RADX: variants seen among roughly 807,000 people sequenced by gnomAD.
The protein encoded by RADX is RPA-related protein RADX.
Under a neutral mutation model 61.6 loss-of-function variants are expected in RADX, and 36 were observed. That is an observed-to-expected ratio of 0.58 (90% CI 0.45 to 0.77). The LOEUF (loss-of-function observed/expected upper bound fraction) is 0.77. RADX is among the 30% of genes least tolerant of loss of function. The pLI, the probability that RADX is intolerant of heterozygous loss-of-function variation, is 0.00. For synonymous variants in RADX, 272 were observed against 237.9 expected, an observed-to-expected ratio of 1.14 and a Z score of -1.32; for missense variants, 497 against 651.1, an observed-to-expected ratio of 0.76 and a Z score of 2.58.
Position 106,637,863 on chromosome X carries a change from T to C in RADX, c.1512T>C (p.Gly504=), listed in dbSNP as rs768630353. 1.7e-6 allele frequency: 2 copies of C among 1,207,112 alleles called. No homozygotes were observed. Among genetic ancestry groups the C allele is most frequent in the Non-Finnish European group, 2.2e-6 (2 of 891,320 alleles). Residue 504 remains glycine, a synonymous_variant, in exon 8 of 14, where the codon GGT becomes GGC. Transcript: ENST00000372548. ...DSGEQKNMVI[G]GYYPYPPVPE... ...GGGAACAGAAGAATATGGTTATTGG[T>C]GGATATTACCCCTATCCACCAGTGC...
At chrX:106,631,791 A>G (rs1281440358) in intron 3 of RADX, among the ~76,000 whole-genome samples, 1 of 102,672 alleles carries the variant, frequency 9.7e-6, no homozygotes, top group Non-Finnish European at 1.9e-5. Flanking sequence ...AAGAAAAGAA[A>G]GAGAAAGAAA....
intron 3 of RADX, among the ~76,000 whole-genome samples, chrX:106,630,154 C>G (rs1323400752): frequency 9.1e-6 from 1 of 110,426 alleles, no homozygotes; most frequent in Non-Finnish European, 1.9e-5. Flanking sequence ...AAGACCCTGT[C>G]TCTACAAATA....
chrX:106,636,669 A>T (rs1406514272), intron 7 of RADX, 22 bp downstream of exon 7: 2 of 877,143 alleles, frequency 2.3e-6, no homozygotes, highest in African/African-American at 4.0e-5. Flanking sequence ...CTTTGTGTAT[A>T]TTATTAGAAA....
At chrX:106,614,345 T>G (rs1454464937) in intron 1 of RADX, among the ~76,000 whole-genome samples, 1 of 111,872 alleles carries the variant, frequency 8.9e-6, no homozygotes, top group East Asian at 2.8e-4. Flanking sequence ...TTCATGTACA[T>G]CTGTACATAC....
At chrX:106,628,180 A>T (rs928888877) in intron 3 of RADX, among the ~76,000 whole-genome samples, 13 of 111,938 alleles carry the variant, frequency 1.2e-4, no homozygotes, top group African/African-American at 4.2e-4. Flanking sequence ...AAAGGCAGTT[A>T]TGTAAATCAT....
At chrX:106,672,536 A>G (rs1462853524) in intron 13 of RADX, among the ~76,000 whole-genome samples, 1 of 111,093 alleles carries the variant, frequency 9.0e-6, no homozygotes, top group Non-Finnish European at 1.9e-5. Flanking sequence ...GGAGTGACAC[A>G]AGCTGCCCTG....
chrX:106,631,325 A>G (rs145234088), intron 3 of RADX, among the ~76,000 whole-genome samples: 9 of 112,033 alleles, frequency 8.0e-5, no homozygotes, highest in Non-Finnish European at 1.5e-4. Context: ...ATGAACCATA[A>G]GTATATGAAA....
intron 10 of RADX, among the ~76,000 whole-genome samples, chrX:106,644,679 T>C (rs1188237614): frequency 9.0e-6 from 1 of 111,413 alleles, no homozygotes; most frequent in Non-Finnish European, 1.9e-5. Context: ...TAGTATTTTG[T>C]TGAGGATTTT....
At chrX:106,652,995 A>AC (rs2147632347) in intron 11 of RADX, among the ~76,000 whole-genome samples, 1 of 108,100 alleles carries the variant, frequency 9.3e-6, no homozygotes, top group South Asian at 4.1e-4. Context: ...AAAAAAAAAA[A>AC]AAAAAACCTG....
At chrX:106,647,788 C>CT (rs909462889) in intron 10 of RADX, among the ~76,000 whole-genome samples, 6 of 110,824 alleles carry the variant, frequency 5.4e-5, no homozygotes, top group African/African-American at 2.0e-4. Context: ...ATTTATATGT[C>CT]TTTTTTTGAG....
intron 1 of RADX, among the ~76,000 whole-genome samples, chrX:106,616,846 G>A (rs1431702025): frequency 1.8e-5 from 2 of 109,102 alleles, no homozygotes; most frequent in East Asian, 2.9e-4. Context: ...TTTCATTACC[G>A]TCCTGTATTC....
intron 1 of RADX, among the ~76,000 whole-genome samples, chrX:106,620,068 CT>C (rs781484305): frequency 9.0e-6 from 1 of 111,320 alleles, no homozygotes; most frequent in South Asian, 3.8e-4. Flanking sequence ...CTTTACTTAC[CT>C]TTTTTCACTC....
In RADX at chrX:106,612,210, T is replaced by C. The variant is rs758933008; in HGVS notation, c.130T>C (p.Ser44Pro). The C allele has an allele frequency of 7.4e-6, 9 of 1,209,397 alleles. No individual in the cohort carries two copies. Among genetic ancestry groups the C allele is most frequent in the Non-Finnish European group, 8.9e-6 (8 of 895,083 alleles). The change falls in exon 1 of 14, where the codon TCC becomes CCC. Residue 44 changes from serine to proline, a missense_variant. Ser to Pro is a moderately conservative substitution (Grantham distance 74). This residue lies in a region of RADX where 196 missense variants were observed against 315.0 expected (regional missense o/e 0.62). Transcript: ENST00000372548. ...AAGAGCTGGTTCCCAAGGGCCCAGG[T>C]CCTGGATCCAAAAGGTTCTTGAGCA... Reference protein sequence around the residue: ...IRRAGSQGPRSWIQKVLEQIM... With the variant: ...IRRAGSQGPRPWIQKVLEQIM...
intron 11 of RADX, among the ~76,000 whole-genome samples, chrX:106,653,887 T>G (rs1927863492): frequency 8.9e-6 from 1 of 111,863 alleles, no homozygotes; most frequent in Non-Finnish European, 1.9e-5. Context: ...TATGGCTGCA[T>G]AGTATTCCAT....
intron 4 of RADX, 72 bp downstream of exon 4, chrX:106,632,805 A>G: frequency 9.6e-6 from 9 of 940,190 alleles, no homozygotes; most frequent in Non-Finnish European, 1.4e-5. Context: ...AATGCATTAT[A>G]ATTTGCTCAA....
At chrX:106,642,256 C>A (rs1480215250) in intron 10 of RADX, among the ~76,000 whole-genome samples, 7 of 111,021 alleles carry the variant, frequency 6.3e-5, no homozygotes, top group African/African-American at 2.3e-4. Flanking sequence ...GTATTACAAT[C>A]AAATTACACT....
At chrX:106,655,882 A>G (rs971422077) in intron 11 of RADX, among the ~76,000 whole-genome samples, 7 of 111,653 alleles carry the variant, frequency 6.3e-5, no homozygotes, top group Non-Finnish European at 1.1e-4. Flanking sequence ...GGGTCAAATG[A>G]TATTTCTAGT....
chrX:106,648,171 T>C, intron 10 of RADX, 142 bp from the exon 11 acceptor site: 1 of 362,890 alleles, frequency 2.8e-6, no homozygotes, highest in Non-Finnish European at 4.9e-6. Context: ...TTAGTGTATG[T>C]TAATGTATTA....
chrX:106,656,860 T>C (rs1434563792), intron 11 of RADX, among the ~76,000 whole-genome samples: 1 of 111,726 alleles, frequency 9.0e-6, no homozygotes, highest in Non-Finnish European at 1.9e-5. Flanking sequence ...GCAGAGTAGA[T>C]TTAGCATAAT....
Sources: allele counts gnomAD v4.1 joint callset (sites outside exome capture counted in the v4.1 genomes callset), GRCh38; gene constraint gnomAD v4.1.1; regional missense constraint gnomAD v4.1.1; transcripts MANE v1.5; gene names NCBI Gene and HGNC (gene_info 2026-07-23, HGNC 2026-07-21).